Variants in LRRC4C observed in about 807,000 individuals in gnomAD.
LRRC4C encodes the protein leucine rich repeat containing 4C, also known as leucine-rich repeat-containing protein 4C.
LRRC4C carries 5 observed loss-of-function variants against 33.6 expected under a neutral mutation model. That is an observed-to-expected ratio of 0.15 (90% confidence interval 0.08 to 0.31). The LOEUF is 0.31. Among genes scored for constraint, LRRC4C ranks in the 10% least tolerant of loss-of-function variants. The probability of loss-of-function intolerance (pLI) is 1.00; values close to 1 mark genes in which losing one functional copy is unlikely to be tolerated. For missense variants in LRRC4C, 560 were observed against 796.7 expected (o/e 0.70, Z 3.58); for synonymous variants, 329 against 302.0 (o/e 1.09, Z -0.93).
chr11:41,126,538 C>T (rs932175658), intron 1 of LRRC4C, among the ~76,000 whole-genome samples: 3 of 151,872 alleles, frequency 2.0e-5, no homozygotes, highest in Non-Finnish European at 4.4e-5. Context: ...ACTCAATGGA[C>T]GCAGAAGGTG....
intron 1 of LRRC4C, among the ~76,000 whole-genome samples, chr11:41,076,403 G>T (rs1396668432): frequency 6.6e-6 from 1 of 152,132 alleles, no homozygotes; most frequent in Non-Finnish European, 1.5e-5. Context: ...TTACAGTTCT[G>T]CAGGCTTAAA....
chr11:41,248,120 T>C (rs968774051), intron 1 of LRRC4C, among the ~76,000 whole-genome samples: 1 of 152,200 alleles, frequency 6.6e-6, no homozygotes, highest in African/African-American at 2.4e-5. Context: ...GTAAATAAGC[T>C]TATCTTCTTT....
At chr11:41,051,540 A>AAAAAAAAAAAAAAAAAAAAAG in intron 1 of LRRC4C, among the ~76,000 whole-genome samples, 2 of 141,128 alleles carry the variant, frequency 1.4e-5, no homozygotes, top group Non-Finnish European at 3.2e-5. Context: ...AAAAAAAAAA[A>AAAAAAAAAAAAAAAAAAAAAG]AAAAAAAAAA....
chr11:41,453,355 C>A (rs141126577), intron 1 of LRRC4C, among the ~76,000 whole-genome samples: 1 of 152,060 alleles, frequency 6.6e-6, no homozygotes, highest in Non-Finnish European at 1.5e-5. Flanking sequence ...ATATTAGGGA[C>A]CCATTGGTTC....
intron 1 of LRRC4C, among the ~76,000 whole-genome samples, chr11:41,348,540 C>A (rs1224583772): frequency 6.6e-6 from 1 of 151,842 alleles, no homozygotes; most frequent in Non-Finnish European, 1.5e-5. Context: ...GTGTTGCCCT[C>A]GGGCGTGAAG....
At chr11:40,383,466 A>G (rs1948973883) in intron 3 of LRRC4C, among the ~76,000 whole-genome samples, 1 of 152,144 alleles carries the variant, frequency 6.6e-6, no homozygotes, top group African/African-American at 2.4e-5. Flanking sequence ...ACCAATTTAC[A>G]TTCCTACCAA....
chr11:40,642,595 G>A (rs943028797), intron 3 of LRRC4C, among the ~76,000 whole-genome samples: 1 of 152,026 alleles, frequency 6.6e-6, no homozygotes, highest in Non-Finnish European at 1.5e-5. Context: ...ACTGTTAATG[G>A]CCCTGTATTA....
intron 3 of LRRC4C, among the ~76,000 whole-genome samples, chr11:40,359,227 A>G (rs1325238648): frequency 6.6e-6 from 1 of 152,244 alleles, no homozygotes; most frequent in Non-Finnish European, 1.5e-5. Context: ...TGTGGCCTTC[A>G]TTAGAATAGC....
chr11:40,424,412 A>G (rs999945802), intron 3 of LRRC4C, among the ~76,000 whole-genome samples: 2 of 152,222 alleles, frequency 1.3e-5, no homozygotes, highest in African/African-American at 4.8e-5. Flanking sequence ...ATGATTAAAG[A>G]TAACCCACCT....
intron 1 of LRRC4C, among the ~76,000 whole-genome samples, chr11:41,084,509 G>T (rs751551245): frequency 7.9e-5 from 12 of 152,104 alleles, no homozygotes; most frequent in Non-Finnish European, 1.2e-4. Flanking sequence ...CCTTTGAAAT[G>T]TTACACAATC....
chr11:41,064,304 C>A (rs967261323), intron 1 of LRRC4C, among the ~76,000 whole-genome samples: 1 of 152,172 alleles, frequency 6.6e-6, no homozygotes, highest in Non-Finnish European at 1.5e-5. Context: ...GTTTAAAACA[C>A]CTCTTCCTTA....
chr11:41,291,747 C>T (rs1275395733), intron 1 of LRRC4C, among the ~76,000 whole-genome samples: 1 of 152,056 alleles, frequency 6.6e-6, no homozygotes, highest in Non-Finnish European at 1.5e-5. Flanking sequence ...AGGAGAATTA[C>T]CCTCAAACCT....
chr11:40,502,041 A>G (rs1231737819), intron 3 of LRRC4C, among the ~76,000 whole-genome samples: 1 of 152,126 alleles, frequency 6.6e-6, no homozygotes, highest in East Asian at 1.9e-4. Flanking sequence ...AGTTTCACAA[A>G]TCTCTAGTGC....
At chr11:41,352,258 A>C (rs1952009060) in intron 1 of LRRC4C, among the ~76,000 whole-genome samples, 2 of 152,218 alleles carry the variant, frequency 1.3e-5, no homozygotes, top group Non-Finnish European at 2.9e-5. Flanking sequence ...AACAGTTATC[A>C]AAAAGGACAA....
intron 5 of LRRC4C, among the ~76,000 whole-genome samples, chr11:40,191,241 T>C (rs1438291778): frequency 1.3e-5 from 2 of 152,084 alleles, no homozygotes; most frequent in Non-Finnish European, 2.9e-5. Context: ...CCACCAACAC[T>C]AAGAATAAAA....
chr11:41,341,668 A>G (rs1173745829), intron 1 of LRRC4C, among the ~76,000 whole-genome samples: 1 of 152,218 alleles, frequency 6.6e-6, no homozygotes, highest in African/African-American at 2.4e-5. Flanking sequence ...GTTTCTGCTC[A>G]TCTTTCCAAG....
At chr11:41,137,910 G>C (rs990928859) in intron 1 of LRRC4C, among the ~76,000 whole-genome samples, 5 of 152,152 alleles carry the variant, frequency 3.3e-5, no homozygotes, top group African/African-American at 1.2e-4. Flanking sequence ...GACCCAGGTG[G>C]GAGGTAAGAA....
chr11:40,911,526 C>G (rs1956688456), intron 2 of LRRC4C, among the ~76,000 whole-genome samples: 1 of 152,112 alleles, frequency 6.6e-6, no homozygotes, highest in Admixed American at 6.6e-5. Flanking sequence ...AAAGGACATC[C>G]ACACCAAAAC....
chr11:40,852,955 G>A (rs1446936992), intron 2 of LRRC4C, among the ~76,000 whole-genome samples: 3 of 152,160 alleles, frequency 2.0e-5, no homozygotes, highest in Admixed American at 6.6e-5. Flanking sequence ...TTGAATAAGA[G>A]CTGATATGAT....
Sources: gnomAD v4.1 joint callset for allele counts (sites outside exome capture counted in the v4.1 genomes callset) on GRCh38, gnomAD v4.1.1 for gene constraint, MANE v1.5 for transcripts, NCBI Gene and HGNC (gene_info 2026-07-23, HGNC 2026-07-21) for gene names.